The following DCDC1 variants were observed in gnomAD, a reference collection of about 807,000 sequenced individuals.
DCDC1 encodes the protein doublecortin domain-containing protein 1.
Under a neutral mutation model 178.3 loss-of-function variants are expected in DCDC1, and 200 were observed. The ratio of observed to expected loss-of-function variants is 1.12; its 90% CI spans 1.00 to 1.26. The LOEUF is 1.26. Ranked by LOEUF, DCDC1 falls within the 50% of genes most tolerant of loss-of-function variation. The pLI, the probability that DCDC1 is intolerant of heterozygous loss-of-function variation, is 0.00. For synonymous variants in DCDC1, 690 were observed against 604.8 expected (o/e 1.14, Z -2.07); for missense variants, 1,983 against 1,749.2 (o/e 1.13, Z -2.38).
chr11:31,143,351 G>T (rs1964071750), intron 9 of DCDC1, among the ~76,000 whole-genome samples: 1 of 152,054 alleles, frequency 6.6e-6, no homozygotes, highest in Admixed American at 6.6e-5. Flanking sequence ...TAAGTAAAAT[G>T]AGTGAAGTGG....
intron 9 of DCDC1, among the ~76,000 whole-genome samples, chr11:31,185,605 T>A (rs1199262640): frequency 6.6e-6 from 1 of 152,144 alleles, no homozygotes; most frequent in Non-Finnish European, 1.5e-5. Context: ...TGTCAGGTGG[T>A]CAATTGTGTG....
chr11:31,301,127 C>T (rs1024133153), intron 6 of DCDC1, among the ~76,000 whole-genome samples: 29 of 152,180 alleles, frequency 1.9e-4, no homozygotes, highest in African/African-American at 6.5e-4. Context: ...TAGTTTTACC[C>T]TCACTTATAG....
intron 9 of DCDC1, among the ~76,000 whole-genome samples, chr11:31,196,353 G>C (rs1970694130): frequency 6.6e-6 from 1 of 151,768 alleles, no homozygotes; most frequent in African/African-American, 2.4e-5. Flanking sequence ...TAACTACCTG[G>C]AGTTATCACA....
chr11:31,359,750 C>A (rs964304157), intron 1 of DCDC1, among the ~76,000 whole-genome samples: 6 of 152,246 alleles, frequency 3.9e-5, no homozygotes, highest in Non-Finnish European at 8.8e-5. Flanking sequence ...ATTTTCCCTA[C>A]CTGTCTAAAA....
At chr11:31,279,013 G>A (rs1184729926) in intron 7 of DCDC1, among the ~76,000 whole-genome samples, 1 of 152,046 alleles carries the variant, frequency 6.6e-6, no homozygotes, top group Admixed American at 6.6e-5. Context: ...TTGAATTTTG[G>A]TGAGTATTGT....
At chr11:30,979,963 A>G (rs1187187681) in intron 20 of DCDC1, among the ~76,000 whole-genome samples, 1 of 152,214 alleles carries the variant, frequency 6.6e-6, no homozygotes, top group East Asian at 1.9e-4. Flanking sequence ...CAAAAGGGTC[A>G]TTTATATTTT....
chr11:30,980,177 G>C (rs753461092), intron 20 of DCDC1, among the ~76,000 whole-genome samples: 5 of 152,158 alleles, frequency 3.3e-5, no homozygotes, highest in Non-Finnish European at 5.9e-5. Flanking sequence ...GCCTAGCACA[G>C]CATCTGGCAT....
chr11:30,890,644 A>T lies in DCDC1; in HGVS notation c.5082+2174T>A, dbSNP rs1943693157. Among the ~76,000 whole-genome samples the T allele has an allele frequency of 2.6e-5, 4 of 152,336 alleles. No homozygotes were observed. In the South Asian group the frequency reaches 8.3e-4, roughly 32 times the overall value. On this transcript the variant is annotated intron_variant, in intron 36 of 38. Transcript: ENST00000684477. The stretch of plus-strand genomic sequence containing the variant: ...TCTGGACTTACCGTAAAAAATATAG[A>T]ACACATAGGAAAACATGCAAGAAAG...
chr11:31,198,264 C>A (rs759753995), intron 9 of DCDC1, among the ~76,000 whole-genome samples: 2 of 152,104 alleles, frequency 1.3e-5, no homozygotes, highest in South Asian at 4.1e-4. Flanking sequence ...TCTAACATTG[C>A]CTCAATGGTA....
chr11:31,213,088 T>A (rs530273331), intron 9 of DCDC1, among the ~76,000 whole-genome samples: 1 of 146,362 alleles, frequency 6.8e-6, no homozygotes. Context: ...TCATCTTCTA[T>A]ATAAAGCCCA....
chr11:31,193,984 G>A (rs558205979), intron 9 of DCDC1, among the ~76,000 whole-genome samples: 23 of 152,032 alleles, frequency 1.5e-4, no homozygotes, highest in Non-Finnish European at 2.5e-4. Flanking sequence ...ATTCGGGCCC[G>A]CTTTGACTAA....
intron 20 of DCDC1, among the ~76,000 whole-genome samples, chr11:31,033,943 A>C (rs866104553): frequency 1.3e-5 from 2 of 152,136 alleles, no homozygotes; most frequent in South Asian, 2.1e-4. Flanking sequence ...CCAGGAGTTC[A>C]AGACCAGCTG....
At chr11:31,269,612 C>A (rs1213591866) in intron 7 of DCDC1, among the ~76,000 whole-genome samples, 1 of 152,056 alleles carries the variant, frequency 6.6e-6, no homozygotes, top group African/African-American at 2.4e-5. Flanking sequence ...CTCAAGACCC[C>A]TGGTCTCAAC....
At chr11:30,916,276 C>T (rs927322864) in intron 26 of DCDC1, among the ~76,000 whole-genome samples, 1 of 152,182 alleles carries the variant, frequency 6.6e-6, no homozygotes, top group Non-Finnish European at 1.5e-5. Flanking sequence ...TATCACAACA[C>T]ATTGTCAATT....
At chr11:31,046,709 G>C (rs1236005099) in intron 20 of DCDC1, among the ~76,000 whole-genome samples, 3 of 150,836 alleles carry the variant, frequency 2.0e-5, no homozygotes, top group Non-Finnish European at 4.4e-5. Context: ...AGAAAATTAT[G>C]ACCTACCTCG....
intron 20 of DCDC1, among the ~76,000 whole-genome samples, chr11:31,045,395 C>CTT (rs10680628): frequency 0.034 from 4,912 of 143,442 alleles, 239 homozygotes; most frequent in African/African-American, 0.11. Context: ...TTTCTTTTTC[C>CTT]TTTTTTTTTT....
chr11:30,947,147 A>G (rs1028138459), intron 21 of DCDC1, among the ~76,000 whole-genome samples: 6 of 152,224 alleles, frequency 3.9e-5, no homozygotes, highest in African/African-American at 1.4e-4. Flanking sequence ...AATTAATAAT[A>G]TGGAAGAAAA....
chr11:30,963,393 C>T (rs1375512227), intron 20 of DCDC1, among the ~76,000 whole-genome samples: 1 of 152,034 alleles, frequency 6.6e-6, no homozygotes, highest in Non-Finnish European at 1.5e-5. Flanking sequence ...CAGTTAATTC[C>T]CCAAATCAAT....
At chr11:31,346,463 CAA>C (rs377761189) in intron 1 of DCDC1, among the ~76,000 whole-genome samples, 431 of 83,660 alleles carry the variant, frequency 5.2e-3, no homozygotes, top group African/African-American at 0.02. Flanking sequence ...GACTCCGTCT[CAA>C]AAAAAAAAAA....
Sources: gnomAD v4.1 joint callset for allele counts (sites outside exome capture counted in the v4.1 genomes callset) on GRCh38, gnomAD v4.1.1 for gene constraint, MANE v1.5 for transcripts, NCBI Gene and HGNC (gene_info 2026-07-23, HGNC 2026-07-21) for gene names.